The following NCALD variants were observed in gnomAD, a reference collection of about 807,000 sequenced individuals.
The protein encoded by NCALD is neurocalcin-delta.
A neutral mutation model predicts 18.6 loss-of-function variants in NCALD; 10 were observed. The observed-to-expected ratio is 0.54, with a 90% CI of 0.33 to 0.91. NCALD has a LOEUF of 0.91. Ranked by LOEUF, NCALD falls within the 40% of genes least tolerant of loss-of-function variation. The probability of loss-of-function intolerance (pLI) is 0.03; values close to 1 mark genes in which losing one functional copy is unlikely to be tolerated. For synonymous variants in NCALD, 88 were observed against 87.4 expected (o/e 1.01, Z -0.04); for missense variants, 184 against 247.6 (o/e 0.74, Z 1.72).
At chr8:101,982,637 G>C (rs578024003) in intron 2 of NCALD, among the ~76,000 whole-genome samples, 1 of 152,060 alleles carries the variant, frequency 6.6e-6, no homozygotes, top group Non-Finnish European at 1.5e-5. Context: ...TCAGGAGATC[G>C]AGACGATCCT....
intron 1 of NCALD, among the ~76,000 whole-genome samples, chr8:102,040,765 C>A (rs1381361785): frequency 1.3e-5 from 2 of 152,202 alleles, no homozygotes; most frequent in African/African-American, 4.8e-5. Flanking sequence ...ATCAGCATTA[C>A]ATAGCCTCCA....
chr8:102,024,899 C>A (rs569567068), intron 1 of NCALD, among the ~76,000 whole-genome samples: 7 of 152,206 alleles, frequency 4.6e-5, no homozygotes, highest in Non-Finnish European at 1.5e-5. Flanking sequence ...CCCTCACACC[C>A]CATATTCCAG....
At chr8:101,937,183 T>A (rs1399466116) in intron 2 of NCALD, among the ~76,000 whole-genome samples, 2 of 146,396 alleles carry the variant, frequency 1.4e-5, no homozygotes, top group African/African-American at 5.1e-5. Context: ...TGGGGTCACA[T>A]CTCTTTTTTA....
At chr8:102,072,468 T>C (rs1824209089) in intron 1 of NCALD, among the ~76,000 whole-genome samples, 1 of 152,228 alleles carries the variant, frequency 6.6e-6, no homozygotes, top group East Asian at 1.9e-4. Context: ...TTTTTCAACC[T>C]TCCAAAAATG....
intron 2 of NCALD, among the ~76,000 whole-genome samples, chr8:101,993,360 G>A (rs1821122795): frequency 6.6e-6 from 1 of 152,078 alleles, no homozygotes; most frequent in Non-Finnish European, 1.5e-5. Flanking sequence ...AGTTAAATAA[G>A]TAAACTACTA....
intron 2 of NCALD, among the ~76,000 whole-genome samples, chr8:101,949,553 T>C (rs1819308969): frequency 6.6e-6 from 1 of 152,126 alleles, no homozygotes; most frequent in Non-Finnish European, 1.5e-5. Flanking sequence ...TCCCCGTCTG[T>C]CATATGGTAA....
chr8:102,057,100 C>T lies in NCALD; in HGVS notation c.-209-36811G>A, dbSNP rs796732978. ...ACCTGCAAAGCCTTTTGTAATCTGCCCCTGCTTACTCCTCTGGCCTCATTT... is the reference window on the plus strand; with the variant it reads ...ACCTGCAAAGCCTTTTGTAATCTGCTCCTGCTTACTCCTCTGGCCTCATTT... On this transcript the variant is annotated intron_variant, in intron 1 of 6. Coordinates refer to the NCALD transcript ENST00000311028. 3.3e-5 allele frequency among the ~76,000 whole-genome samples: 5 copies of T among 152,216 alleles called. No individual in the cohort carries two copies. In the East Asian group the frequency reaches 5.8e-4, roughly 18 times the overall value.
intron 2 of NCALD, among the ~76,000 whole-genome samples, chr8:102,018,471 G>T (rs139723686): frequency 6.6e-6 from 1 of 152,090 alleles, no homozygotes; most frequent in African/African-American, 2.4e-5. Context: ...AAAAAAATGC[G>T]CCAAGTGAAA....
intron 2 of NCALD, among the ~76,000 whole-genome samples, chr8:101,714,720 G>T (rs1435680906): frequency 6.9e-6 from 1 of 144,880 alleles, no homozygotes; most frequent in East Asian, 2.1e-4. Context: ...CTGGGGGCCG[G>T]GCACGGTGGC....
Position 101,748,084 on chromosome 8 carries a change from T to A in NCALD, c.-19-28436A>T, listed in dbSNP as rs1810501310. On this transcript the variant is annotated intron_variant, in intron 1 of 3. Transcript: ENST00000220931. ...CTCTGATTTGAGTGAATTGCCACCA[T>A]GGACTCAGACCTTCCTCCTCTAATG... is the stretch of plus-strand genomic sequence containing the variant. Among the ~76,000 whole-genome samples, 3 of 152,206 alleles carry A rather than the reference T, an allele frequency of 2.0e-5. No individual in the cohort carries two copies. The South Asian group carries it at 6.2e-4, about 32-fold the overall frequency.
intron 4 of NCALD, among the ~76,000 whole-genome samples, chr8:101,859,706 G>A (rs1015520066): frequency 1.3e-5 from 2 of 152,108 alleles, no homozygotes; most frequent in Non-Finnish European, 2.9e-5. Flanking sequence ...GAAGTGTGAG[G>A]AAGAAGAATA....
chr8:102,034,445 G>T (rs1209583916), intron 1 of NCALD, among the ~76,000 whole-genome samples: 1 of 152,186 alleles, frequency 6.6e-6, no homozygotes, highest in African/African-American at 2.4e-5. Flanking sequence ...GTGGAGGGCT[G>T]TGTATGGATG....
intron 4 of NCALD, among the ~76,000 whole-genome samples, chr8:101,810,894 G>A (rs1025376067): frequency 6.6e-6 from 1 of 151,946 alleles, no homozygotes; most frequent in African/African-American, 2.4e-5. Context: ...AAATCCTAAT[G>A]CAGAAAAATA....
chr8:101,884,756 G>A (rs1301201521), intron 4 of NCALD, among the ~76,000 whole-genome samples: 1 of 152,078 alleles, frequency 6.6e-6, no homozygotes, highest in Non-Finnish European at 1.5e-5. Flanking sequence ...TTAAGAACGT[G>A]ACTGGATGGA....
chr8:102,100,051 G>A (rs1019585689), intron 1 of NCALD, among the ~76,000 whole-genome samples: 1 of 150,218 alleles, frequency 6.7e-6, no homozygotes, highest in African/African-American at 2.4e-5. Context: ...CAAAAACTTT[G>A]TTTTGTCCTT....
At chr8:101,950,081 T>C (rs1226210388) in intron 2 of NCALD, among the ~76,000 whole-genome samples, 2 of 152,174 alleles carry the variant, frequency 1.3e-5, no homozygotes, top group Non-Finnish European at 2.9e-5. Flanking sequence ...GACAGGATGA[T>C]GGATTGAAAA....
intron 2 of NCALD, among the ~76,000 whole-genome samples, chr8:101,940,185 G>A (rs1468563131): frequency 6.6e-6 from 1 of 152,178 alleles, no homozygotes; most frequent in Non-Finnish European, 1.5e-5. Flanking sequence ...TCTGCATGCA[G>A]CATGTAGAAA....
chr8:101,704,508 C>T lies in NCALD; in HGVS notation c.379-11612G>A, dbSNP rs146509842. On this transcript the variant is annotated intron_variant, in intron 2 of 3. Coordinates refer to ENST00000220931, the MANE Select transcript of NCALD (RefSeq NM_032041.3). ...GACTTCTGGTATCTGCCAGCTGACA[C>T]GTAACTGAGGCATGGAGAATTCAAA... is the stretch of plus-strand genomic sequence containing the variant. 2.3e-3 allele frequency among the ~76,000 whole-genome samples: 343 copies of T among 152,178 alleles called. 3 individuals are homozygous for T. The highest frequency in any genetic ancestry group is 4.2e-3 in the Admixed American group (64 of 15,292).
At chr8:101,758,030 T>C (rs1355972305) in intron 1 of NCALD, among the ~76,000 whole-genome samples, 1 of 152,122 alleles carries the variant, frequency 6.6e-6, no homozygotes, top group Non-Finnish European at 1.5e-5. Context: ...CCTCAAACAT[T>C]CCTCCTGCAT....
Sources: allele counts gnomAD v4.1 joint callset (sites outside exome capture counted in the v4.1 genomes callset), GRCh38; gene constraint gnomAD v4.1.1; transcripts MANE v1.5; gene names NCBI Gene and HGNC (gene_info 2026-07-23, HGNC 2026-07-21).